NXPE2: variants seen among roughly 807,000 people sequenced by gnomAD.
NXPE2 encodes the protein neurexophilin and PC-esterase domain family member 2.
NXPE2 carries 34 observed loss-of-function variants against 34.4 expected under a neutral mutation model. That is an observed-to-expected ratio of 0.99 (90% confidence interval 0.75 to 1.31). The LOEUF (loss-of-function observed/expected upper bound fraction) is 1.31, where lower values mean the gene tolerates loss of function less well. NXPE2 is among the 40% of genes most tolerant of loss of function. The probability of loss-of-function intolerance (pLI) is 0.00; values close to 1 mark genes in which losing one functional copy is unlikely to be tolerated. For missense variants in NXPE2, 649 were observed against 672.5 expected, an observed-to-expected ratio of 0.97 and a Z score of 0.39; for synonymous variants, 235 against 231.3, an observed-to-expected ratio of 1.02 and a Z score of -0.15.
chr11:114,709,859 G>A (rs555392800), downstream of NXPE2, among the ~76,000 whole-genome samples: 4 of 151,516 alleles, frequency 2.6e-5, no homozygotes, highest in East Asian at 1.9e-4. Flanking sequence ...CCAAGATCAT[G>A]CCATTTCATT....
At chr11:114,665,095 A>C in the NXPE2 span, among the ~76,000 whole-genome samples, 1 of 152,164 alleles carries the variant, frequency 6.6e-6, no homozygotes, top group Non-Finnish European at 1.5e-5. Context: ...CCATTTATCA[A>C]ACAAAATGTG....
At chr11:114,732,531 T>A in the NXPE2 span, among the ~76,000 whole-genome samples, 1 of 152,252 alleles carries the variant, frequency 6.6e-6, no homozygotes, top group East Asian at 1.9e-4. Context: ...CCTGTGACAC[T>A]GGTTTTTGAC....
chr11:114,711,886 T>C (rs1859620603), downstream of NXPE2, among the ~76,000 whole-genome samples: 1 of 152,146 alleles, frequency 6.6e-6, no homozygotes, highest in Non-Finnish European at 1.5e-5. Flanking sequence ...GGTGTGGTAC[T>C]GATATAAAGA....
At chr11:114,519,318 C>G in the NXPE2 span, among the ~76,000 whole-genome samples, 1 of 152,258 alleles carries the variant, frequency 6.6e-6, no homozygotes, top group East Asian at 1.9e-4. Flanking sequence ...CTCATTGGTT[C>G]TATCCCATTA....
the NXPE2 span, among the ~76,000 whole-genome samples, chr11:114,672,126 C>A: frequency 6.9e-4 from 105 of 151,914 alleles, no homozygotes; most frequent in Non-Finnish European, 7.5e-4. Context: ...ACAAGAACAG[C>A]AAGGGGGAAG....
the NXPE2 span, among the ~76,000 whole-genome samples, chr11:114,497,486 C>T: frequency 2.0e-5 from 3 of 151,334 alleles, no homozygotes; most frequent in South Asian, 2.1e-4. Flanking sequence ...ATATTTTAAC[C>T]GTACTTTTTC....
the NXPE2 span, among the ~76,000 whole-genome samples, chr11:114,514,733 T>C: frequency 6.6e-6 from 1 of 152,174 alleles, no homozygotes; most frequent in African/African-American, 2.4e-5. Context: ...TATATTTACA[T>C]AAAATACTTC....
the NXPE2 span, among the ~76,000 whole-genome samples, chr11:114,499,007 C>A: frequency 6.6e-6 from 1 of 152,014 alleles, no homozygotes; most frequent in African/African-American, 2.4e-5. Context: ...GTAAAATTGT[C>A]TGGATATGAT....
the NXPE2 span, among the ~76,000 whole-genome samples, chr11:114,735,139 A>G: frequency 0.65 from 99,466 of 151,938 alleles, 32,763 homozygotes; most frequent in Middle Eastern, 0.81. Context: ...AATAACCATT[A>G]CACATCTCTT....
chr11:114,569,562 C>T, the NXPE2 span, among the ~76,000 whole-genome samples: 1 of 152,174 alleles, frequency 6.6e-6, no homozygotes, highest in Non-Finnish European at 1.5e-5. Context: ...TCTCCTGACT[C>T]CTGCCCCTCA....
the NXPE2 span, among the ~76,000 whole-genome samples, chr11:114,511,859 C>T: frequency 3.9e-5 from 6 of 152,058 alleles, no homozygotes; most frequent in Non-Finnish European, 7.4e-5. Flanking sequence ...GCTGGGTCCT[C>T]CTTTGCTTTC....
the NXPE2 span, among the ~76,000 whole-genome samples, chr11:114,623,479 C>T: frequency 2.0e-5 from 3 of 152,006 alleles, no homozygotes; most frequent in Non-Finnish European, 4.4e-5. Flanking sequence ...ATTATTTCCT[C>T]TCGGGTAACC....
chr11:114,493,744 A>C, the NXPE2 span, among the ~76,000 whole-genome samples: 1 of 152,152 alleles, frequency 6.6e-6, no homozygotes, highest in Non-Finnish European at 1.5e-5. Flanking sequence ...TAGTTTATAC[A>C]CTACAATTAC....
the NXPE2 span, among the ~76,000 whole-genome samples, chr11:114,801,042 A>G: frequency 1.0e-5 from 1 of 98,556 alleles, no homozygotes; most frequent in African/African-American, 3.4e-5. Context: ...ACCCAGCTAT[A>G]TGACTTTTAT....
At chr11:114,783,007 C>T in the NXPE2 span, among the ~76,000 whole-genome samples, 10 of 152,164 alleles carry the variant, frequency 6.6e-5, no homozygotes, top group African/African-American at 9.7e-5. Context: ...ACGCATAACT[C>T]GAAATCTCAC....
the NXPE2 span, among the ~76,000 whole-genome samples, chr11:114,784,246 T>G: frequency 6.6e-6 from 1 of 152,338 alleles, no homozygotes; most frequent in African/African-American, 2.4e-5. Flanking sequence ...AGACCTTCCA[T>G]TGCAACTTGC....
At chr11:114,671,775 T>C in the NXPE2 span, among the ~76,000 whole-genome samples, 1 of 152,024 alleles carries the variant, frequency 6.6e-6, no homozygotes, top group Non-Finnish European at 1.5e-5. Context: ...AACAGATCTG[T>C]TTTACAAGAA....
the NXPE2 span, among the ~76,000 whole-genome samples, chr11:114,598,411 G>T: frequency 6.6e-6 from 1 of 150,738 alleles, no homozygotes; most frequent in Non-Finnish European, 1.5e-5. Context: ...GCCCCAGTGG[G>T]GACTCTGTGT....
the NXPE2 span, among the ~76,000 whole-genome samples, chr11:114,570,131 AG>A: frequency 6.6e-6 from 1 of 152,188 alleles, no homozygotes; most frequent in Non-Finnish European, 1.5e-5. Context: ...AAGTAGGAAA[AG>A]CCCTTTGTTT....
Sources: gnomAD v4.1 joint callset for allele counts (sites outside exome capture counted in the v4.1 genomes callset) on GRCh38, gnomAD v4.1.1 for gene constraint, MANE v1.5 for transcripts, NCBI Gene and HGNC (gene_info 2026-07-23, HGNC 2026-07-21) for gene names.